The following HS2ST1 variants were observed in gnomAD, a reference collection of about 807,000 sequenced individuals.
The protein encoded by HS2ST1 is 2-O-sulfotransferase.
A neutral mutation model predicts 42.9 loss-of-function variants in HS2ST1; 18 were observed. That is an observed-to-expected ratio of 0.42 (90% confidence interval 0.29 to 0.62). HS2ST1 has a LOEUF of 0.62. Ranked by LOEUF, HS2ST1 falls within the 20% of genes least tolerant of loss-of-function variation. The pLI is 0.21. For missense variants in HS2ST1, 334 were observed against 433.8 expected (o/e 0.77, Z 2.04); for synonymous variants, 146 against 152.9 (o/e 0.95, Z 0.33).
intron 1 of HS2ST1, among the ~76,000 whole-genome samples, chr1:86,973,379 G>A (rs1380075466): frequency 1.3e-5 from 2 of 151,874 alleles, no homozygotes; most frequent in Non-Finnish European, 2.9e-5. Context: ...CTAGGGATGC[G>A]AAAATGAACA....
chr1:86,990,812 T>TATATATATATA (rs1553135487), intron 1 of HS2ST1, among the ~76,000 whole-genome samples: 11 of 10,248 alleles, frequency 1.1e-3, no homozygotes, highest in Non-Finnish European at 4.0e-3. Context: ...CTGGCTAATT[T>TATATATATATA]TATATATATA....
At chr1:87,090,130 G>C (rs1651905319) in intron 3 of HS2ST1, among the ~76,000 whole-genome samples, 1 of 152,020 alleles carries the variant, frequency 6.6e-6, no homozygotes, top group African/African-American at 2.4e-5. Flanking sequence ...ATATATTGCT[G>C]TTGCCTCCTT....
chr1:87,059,021 T>C (rs1400261470), intron 1 of HS2ST1, among the ~76,000 whole-genome samples: 1 of 152,098 alleles, frequency 6.6e-6, no homozygotes, highest in African/African-American at 2.4e-5. Context: ...ATCACACCAC[T>C]GCACTCCAAC....
At chr1:86,919,532 C>G (rs753717882) in intron 1 of HS2ST1, among the ~76,000 whole-genome samples, 1 of 151,996 alleles carries the variant, frequency 6.6e-6, no homozygotes, top group Non-Finnish European at 1.5e-5. Flanking sequence ...GTTAACATTC[C>G]TTCTTTTAAT....
intron 1 of HS2ST1, among the ~76,000 whole-genome samples, chr1:86,939,890 T>C (rs1471815595): frequency 6.6e-6 from 1 of 152,208 alleles, no homozygotes; most frequent in Non-Finnish European, 1.5e-5. Flanking sequence ...AGCTCAGCAA[T>C]TAACTGCCTA....
intron 3 of HS2ST1, among the ~76,000 whole-genome samples, chr1:87,088,074 G>A (rs996064925): frequency 6.6e-6 from 1 of 152,090 alleles, no homozygotes; most frequent in Non-Finnish European, 1.5e-5. Flanking sequence ...ACGCAGAGCA[G>A]TATGGTGATT....
intron 1 of HS2ST1, among the ~76,000 whole-genome samples, chr1:86,928,225 A>G (rs1432252781): frequency 6.6e-6 from 1 of 152,030 alleles, no homozygotes; most frequent in Non-Finnish European, 1.5e-5. Context: ...GTAAAAGGAC[A>G]TTATCGTAAG....
At chr1:86,916,864 C>G (rs978084062) in intron 1 of HS2ST1, among the ~76,000 whole-genome samples, 2 of 152,176 alleles carry the variant, frequency 1.3e-5, no homozygotes, top group Non-Finnish European at 2.9e-5. Context: ...ATTTCTTAGA[C>G]ACGTTACAGT....
chr1:86,939,512 A>T (rs1660720742), intron 1 of HS2ST1, among the ~76,000 whole-genome samples: 1 of 152,242 alleles, frequency 6.6e-6, no homozygotes, highest in South Asian at 2.1e-4. Flanking sequence ...TGGAATACTG[A>T]ATCAAGTTTA....
At chr1:87,037,808 C>G (rs1650419628) in intron 1 of HS2ST1, among the ~76,000 whole-genome samples, 1 of 151,862 alleles carries the variant, frequency 6.6e-6, no homozygotes, top group African/African-American at 2.4e-5. Flanking sequence ...ATTCTGATAT[C>G]TAGCCATCTT....
chr1:86,957,762 A>C (rs1647713135), intron 1 of HS2ST1, among the ~76,000 whole-genome samples: 1 of 151,574 alleles, frequency 6.6e-6, no homozygotes, highest in Admixed American at 6.6e-5. Flanking sequence ...TATTGAAATC[A>C]TTACCTGGAA....
chr1:86,923,638 C>T (rs960020423), intron 1 of HS2ST1, among the ~76,000 whole-genome samples: 1 of 152,178 alleles, frequency 6.6e-6, no homozygotes, highest in South Asian at 2.1e-4. Flanking sequence ...CCTCATGATC[C>T]ACCCACCTTG....
intron 1 of HS2ST1, among the ~76,000 whole-genome samples, chr1:86,942,030 T>C (rs61802163): frequency 0.059 from 8,912 of 152,312 alleles, 375 homozygotes; most frequent in Non-Finnish European, 0.096. Flanking sequence ...TGCATCTGGA[T>C]TGTTTTCATC....
Position 86,966,046 on chromosome 1 carries a change from G to A in HS2ST1, c.124+50886G>A, listed in dbSNP as rs191930614. Among the ~76,000 whole-genome samples the A allele has an allele frequency of 3.9e-5, 6 of 152,274 alleles. No homozygotes were observed. The East Asian group carries it at 1.2e-3, about 29-fold the overall frequency. On this transcript the variant is annotated intron_variant, in intron 1 of 6. Coordinates refer to ENST00000370550, the MANE Select transcript of HS2ST1 (RefSeq NM_012262.4). ...AGTTTGGCCATTGACAGATACTAGC[G>A]GAAGATTGGAGGACAGGTAGAAGGG...
At chr1:87,081,216 TA>T (rs1459539694) in intron 2 of HS2ST1, among the ~76,000 whole-genome samples, 1 of 152,170 alleles carries the variant, frequency 6.6e-6, no homozygotes, top group African/African-American at 2.4e-5. Context: ...ATGGACCTAA[TA>T]GATATTTACA....
chr1:87,082,104 G>C, intron 2 of HS2ST1, among the ~76,000 whole-genome samples: 1 of 152,018 alleles, frequency 6.6e-6, no homozygotes. Flanking sequence ...AGGATCATTA[G>C]AGGCTACTAT....
At chr1:86,942,158 TCTA>T (rs1452322250) in intron 1 of HS2ST1, among the ~76,000 whole-genome samples, 1 of 152,226 alleles carries the variant, frequency 6.6e-6, no homozygotes, top group Non-Finnish European at 1.5e-5. Context: ...TTTGTTAAAA[TCTA>T]CTAATGTGTG....
chr1:87,004,848 A>G (rs959204963), intron 1 of HS2ST1, among the ~76,000 whole-genome samples: 1 of 152,238 alleles, frequency 6.6e-6, no homozygotes, highest in Non-Finnish European at 1.5e-5. Context: ...AATCCAGGCC[A>G]TATCGTTTTT....
intron 1 of HS2ST1, among the ~76,000 whole-genome samples, chr1:86,961,090 A>G (rs1435374465): frequency 1.3e-5 from 2 of 152,088 alleles, no homozygotes; most frequent in Non-Finnish European, 2.9e-5. Context: ...TCTAGCCATA[A>G]AAAGAAATGA....
Sources: allele counts gnomAD v4.1 joint callset (sites outside exome capture counted in the v4.1 genomes callset), GRCh38; gene constraint gnomAD v4.1.1; transcripts MANE v1.5; gene names NCBI Gene and HGNC (gene_info 2026-07-23, HGNC 2026-07-21).